SH3GL2: variants seen among roughly 807,000 people sequenced by gnomAD.
SH3GL2 encodes endophilin-A1.
A neutral mutation model predicts 46.0 loss-of-function variants in SH3GL2; 24 were observed. That is an observed-to-expected ratio of 0.52 (90% CI 0.38 to 0.73). The LOEUF (loss-of-function observed/expected upper bound fraction) is 0.73. Among genes scored for constraint, SH3GL2 ranks in the 30% least tolerant of loss-of-function variants. The probability of loss-of-function intolerance (pLI) is 0.00; values close to 1 mark genes in which losing one functional copy is unlikely to be tolerated. For missense variants in SH3GL2, 413 were observed against 424.2 expected (o/e 0.97, Z 0.23); for synonymous variants, 196 against 147.1 (o/e 1.33, Z -2.40).
chr9:17,766,557 T>G (rs1250016904), intron 3 of SH3GL2, among the ~76,000 whole-genome samples: 1 of 152,204 alleles, frequency 6.6e-6, no homozygotes, highest in African/African-American at 2.4e-5. Flanking sequence ...ATTTTGAATT[T>G]TCTAGAAACC....
chr9:17,733,882 A>G (rs1822252868), intron 1 of SH3GL2, among the ~76,000 whole-genome samples: 2 of 151,900 alleles, frequency 1.3e-5, no homozygotes, highest in South Asian at 2.1e-4. Flanking sequence ...AAAAAAACCA[A>G]ACACTGCATA....
At chr9:17,778,243 G>T (rs746188786) in intron 3 of SH3GL2, among the ~76,000 whole-genome samples, 5 of 151,962 alleles carry the variant, frequency 3.3e-5, no homozygotes, top group Admixed American at 1.3e-4. Flanking sequence ...ATTTTTTTCA[G>T]TTATCTTCCA....
intron 1 of SH3GL2, among the ~76,000 whole-genome samples, chr9:17,737,829 C>G (rs1822387503): frequency 6.6e-6 from 1 of 152,090 alleles, no homozygotes; most frequent in Non-Finnish European, 1.5e-5. Flanking sequence ...AACACACTCT[C>G]CTGTGCATAT....
In SH3GL2 at chr9:17,740,838, A is replaced by C. The variant is rs144802337; in HGVS notation, c.46-6228A>C. ...TGCTTTTACACATATTTTCTCATCTAATTCTAAAAACAGATCTAGTGTTAG... is the reference window on the plus strand; with the variant it reads ...TGCTTTTACACATATTTTCTCATCTCATTCTAAAAACAGATCTAGTGTTAG... On this transcript the variant is annotated intron_variant, in intron 1 of 8. Transcript: ENST00000380607. 5.9e-5 allele frequency among the ~76,000 whole-genome samples: 9 copies of C among 152,230 alleles called. No homozygotes were observed. The East Asian group carries it at 1.4e-3, about 23-fold the overall frequency.
At chr9:17,667,312 C>A (rs1820368643) in intron 1 of SH3GL2, among the ~76,000 whole-genome samples, 1 of 152,076 alleles carries the variant, frequency 6.6e-6, no homozygotes. Context: ...AGAAAATGTT[C>A]TAATTCTAGA....
intron 1 of SH3GL2, among the ~76,000 whole-genome samples, chr9:17,707,191 A>T (rs1821493084): frequency 1.3e-5 from 2 of 152,012 alleles, no homozygotes; most frequent in South Asian, 2.1e-4. Flanking sequence ...TGACTCTCTG[A>T]TTCTCCATTT....
intron 1 of SH3GL2, among the ~76,000 whole-genome samples, chr9:17,628,776 G>T (rs73645106): frequency 0.011 from 1,704 of 151,996 alleles, 30 homozygotes; most frequent in African/African-American, 0.039. Context: ...GTAAAATCCT[G>T]CCAACTGCCC....
intron 1 of SH3GL2, among the ~76,000 whole-genome samples, chr9:17,630,738 G>T (rs949756081): frequency 1.3e-5 from 2 of 152,084 alleles, no homozygotes; most frequent in Non-Finnish European, 2.9e-5. Flanking sequence ...AATATTTCCT[G>T]TTCATTATGC....
At chr9:17,735,745 A>T in intron 1 of SH3GL2, 2 of 979,238 alleles carry the variant, frequency 2.0e-6, no homozygotes, top group South Asian at 9.5e-5. Flanking sequence ...AGGAAATGGG[A>T]AGATAAAGCT....
At chr9:17,717,218 C>T (rs189998962) in intron 1 of SH3GL2, among the ~76,000 whole-genome samples, 7 of 152,248 alleles carry the variant, frequency 4.6e-5, no homozygotes, top group African/African-American at 4.8e-5. Flanking sequence ...CCGCATAAAT[C>T]GCTTTCTGTA....
chr9:17,607,541 T>G (rs1394729981), intron 1 of SH3GL2, among the ~76,000 whole-genome samples: 1 of 152,182 alleles, frequency 6.6e-6, no homozygotes, highest in Non-Finnish European at 1.5e-5. Flanking sequence ...ACTACCATCA[T>G]GTATTTGAGC....
chr9:17,629,081 T>C (rs1819361152), intron 1 of SH3GL2, among the ~76,000 whole-genome samples: 2 of 152,074 alleles, frequency 1.3e-5, no homozygotes, highest in South Asian at 4.2e-4. Flanking sequence ...AATTGGGATG[T>C]TGACCTTTAT....
chr9:17,602,069 C>G (rs926719291), intron 1 of SH3GL2, among the ~76,000 whole-genome samples: 1 of 152,164 alleles, frequency 6.6e-6, no homozygotes, highest in Non-Finnish European at 1.5e-5. Context: ...CTCCCACCTT[C>G]TGAAAACCAC....
chr9:17,597,051 C>T (rs1176219757), intron 1 of SH3GL2, among the ~76,000 whole-genome samples: 1 of 152,176 alleles, frequency 6.6e-6, no homozygotes, highest in Admixed American at 6.5e-5. Flanking sequence ...ACCTCTGCAG[C>T]ATCTTGTGAT....
chr9:17,675,943 T>A (rs1400873182), intron 1 of SH3GL2, among the ~76,000 whole-genome samples: 1 of 152,114 alleles, frequency 6.6e-6, no homozygotes, highest in Non-Finnish European at 1.5e-5. Context: ...AGACTCCGTC[T>A]CAAAAAAATA....
chr9:17,612,877 A>G (rs572086113), intron 1 of SH3GL2, among the ~76,000 whole-genome samples: 6 of 152,268 alleles, frequency 3.9e-5, no homozygotes, highest in African/African-American at 9.6e-5. Context: ...GATTATCACT[A>G]ATGTACTTCT....
intron 1 of SH3GL2, among the ~76,000 whole-genome samples, chr9:17,649,526 A>G (rs1192358896): frequency 2.0e-5 from 3 of 152,232 alleles, no homozygotes; most frequent in Non-Finnish European, 4.4e-5. Flanking sequence ...AATCGATGTT[A>G]CCAAAGTATA....
chr9:17,628,520 T>A lies in SH3GL2; in HGVS notation c.45+49233T>A, dbSNP rs142301216. ...TGGGTCTACCAGATGAAATGTGGCT[T>A]GCCTTGCTGACTTCAGACATTTTGA... On this transcript the variant is annotated intron_variant, in intron 1 of 8. Coordinates refer to ENST00000380607, the MANE Select transcript of SH3GL2 (RefSeq NM_003026.5). Among the ~76,000 whole-genome samples the A allele has an allele frequency of 1.2e-3, 190 of 152,150 alleles. 1 individual carries two copies. The highest frequency in any genetic ancestry group is 4.4e-3 in the African/African-American group (182 of 41,530).
chr9:17,682,932 G>T (rs1820810934), intron 1 of SH3GL2, among the ~76,000 whole-genome samples: 1 of 151,782 alleles, frequency 6.6e-6, no homozygotes, highest in Admixed American at 6.6e-5. Context: ...CTTCTGCTGG[G>T]GTGTAGAAAG....
Sources: allele counts gnomAD v4.1 joint callset (sites outside exome capture counted in the v4.1 genomes callset), GRCh38; gene constraint gnomAD v4.1.1; transcripts MANE v1.5; gene names NCBI Gene and HGNC (gene_info 2026-07-23, HGNC 2026-07-21).